ATP4A: variants seen among roughly 807,000 people sequenced by gnomAD.
The protein encoded by ATP4A is potassium-transporting ATPase alpha chain 1.
Under a neutral mutation model 112.1 loss-of-function variants are expected in ATP4A, and 73 were observed. The observed-to-expected ratio is 0.65, with a 90% confidence interval of 0.54 to 0.79. The LOEUF is 0.79. ATP4A is among the 30% of genes least tolerant of loss of function. The probability of loss-of-function intolerance (pLI) is 0.00; values close to 1 mark genes in which losing one functional copy is unlikely to be tolerated. For missense variants in ATP4A, 1,081 were observed against 1,425.9 expected, an observed-to-expected ratio of 0.76 and a Z score of 3.90; for synonymous variants, 588 against 588.9, an observed-to-expected ratio of 1.00 and a Z score of 0.02.
At chr19:35,563,073 T>C in intron 3 of ATP4A, 136 bp downstream of exon 3, 1 of 631,466 alleles carries the variant, frequency 1.6e-6, no homozygotes, top group African/African-American at 2.2e-5. Context: ...TCTGCCTCCC[T>C]CCCTCTCTCT....
At position 35,555,309 on chromosome 19, in the gene ATP4A, T is replaced by C. The variant is rs1349037795; in HGVS notation, c.2183A>G (p.Asp728Gly). 6.2e-7 allele frequency: 1 copy of C among 1,613,744 alleles called. No homozygotes were observed. Among genetic ancestry groups the C allele is most frequent in the African/African-American group, 1.3e-5 (1 of 74,852 alleles). ...CAGAGCTGGGGAGTCATTCACACCA[T>C]CCCCCGTGACGGCCACAATCGCACC... ...RLGAIVAVTGDGVNDSPALKK... is the reference protein window; with the variant it reads ...RLGAIVAVTGGGVNDSPALKK... Residue 728 changes from aspartate to glycine, a missense_variant, in exon 15 of 22, where the codon GAT becomes GGT. Physicochemically the swap from Asp to Gly is moderately conservative, Grantham distance 94. Transcript: ENST00000262623. This position sits in a 1 kb window ranked among gnomAD's most constrained non-coding sequence, Gnocchi z 6.6.
At position 35,558,745 on chromosome 19, in the gene ATP4A, G is replaced by GCC. The variant is rs925085863; in HGVS notation, c.1256-61_1256-60dup. On this transcript the variant is annotated intron_variant, in intron 8 of 21. Transcript: ENST00000262623. This position sits in a 1 kb window ranked among gnomAD's most constrained non-coding sequence, Gnocchi z 5.1. ...GGCGGCTCTCCCGGACCAGAACCGA[G>GCC]CCCCCTCCTCCTAGGCTCATATCGC... 1 of 1,499,540 alleles carries GCC rather than the reference G, an allele frequency of 6.7e-7. No individual in the cohort carries two copies. The highest frequency in any genetic ancestry group is 1.4e-5 in the African/African-American group (1 of 72,608). The allele number at this position is 1,499,540 out of a possible 1,614,324, so 92.9% of individuals were successfully genotyped here. A position where few individuals can be genotyped will look rare whatever the true frequency, so the allele number is the denominator to read the frequency against.
rs1234553083 is a variant in ATP4A, at chr19:35,551,352, C to T, written c.2885+95G>A. ...CATGTCACCATCTGGCACTGGCACC[C>T]GCTGGCATTTGCCGGCTGTTCTAAA... On this transcript the variant is annotated intron_variant, in intron 19 of 21. Coordinates refer to ENST00000262623, the MANE Select transcript of ATP4A (RefSeq NM_000704.3). This position sits in a 1 kb window ranked among gnomAD's most constrained non-coding sequence, Gnocchi z 5.2. 8.8e-6 allele frequency: 14 copies of T among 1,583,926 alleles called. No homozygotes were observed. The highest frequency in any genetic ancestry group is 1.3e-5 in the African/African-American group (1 of 74,360).
chr19:35,561,974 G>GAT (rs772211256), intron 4 of ATP4A, among the ~76,000 whole-genome samples: 1 of 149,756 alleles, frequency 6.7e-6, no homozygotes, highest in Non-Finnish European at 1.5e-5. Context: ...TCCTGCCTCA[G>GAT]CCTCCCAAGT....
In ATP4A at chr19:35,560,329, A is replaced by G. The variant is rs2071661144; in HGVS notation, c.787+34T>C. The G allele has an allele frequency of 2.5e-6, 4 of 1,609,424 alleles. No homozygotes were observed. The highest frequency in any genetic ancestry group is 2.7e-5 in the African/African-American group (2 of 74,818). The stretch of plus-strand genomic sequence containing the variant: ...CAGGAGAGAGGCCAGTGGAGGCAGC[A>G]GTTACTGGGCAGGCAGGCGGGGGCT... On this transcript the variant is annotated intron_variant, in intron 6 of 21. Coordinates refer to ENST00000262623, the MANE Select transcript of ATP4A (RefSeq NM_000704.3). The surrounding 1 kb of genome is among the most constrained non-coding windows in gnomAD (Gnocchi z 5.1).
chr19:35,560,380 G>A lies in ATP4A; in HGVS notation c.770C>T (p.Ser257Phe). 6.2e-7 allele frequency: 1 copy of A among 1,613,954 alleles called. No homozygotes were observed. The highest frequency in any genetic ancestry group is 8.5e-7 in the Non-Finnish European group (1 of 1,180,006). ...TCACAGACCCTCAAGGCACATGGTGGAGAAGAAGGCGATGTTGCGGGTCTC... is the reference window on the plus strand; with the variant it reads ...TCACAGACCCTCAAGGCACATGGTGAAGAAGAAGGCGATGTTGCGGGTCTC... ...PLETRNIAFF[S>F]TMCLEGTVQG... Residue 257 changes from serine (S) to phenylalanine (F), a missense_variant, in exon 6 of 22, where the codon TCC (serine) becomes TTC (phenylalanine). By Grantham distance (155) the Ser-to-Phe change is radical. Coordinates refer to ENST00000262623, the MANE Select transcript of ATP4A (RefSeq NM_000704.3). This position sits in a 1 kb window ranked among gnomAD's most constrained non-coding sequence, Gnocchi z 5.1.
intron 3 of ATP4A, 25 bp from the exon 4 acceptor site, chr19:35,562,663 C>T (rs372547667): frequency 3.0e-5 from 47 of 1,559,456 alleles, no homozygotes; most frequent in African/African-American, 3.0e-4. Context: ...CAGGGCGAGG[C>T]GGTCCTGGGG....
Position 35,550,776 on chromosome 19 carries a change from G to A in ATP4A, c.3079+58C>T. 6.2e-7 allele frequency: 1 copy of A among 1,610,172 alleles called. No homozygotes were observed. The highest frequency in any genetic ancestry group is 8.5e-7 in the Non-Finnish European group (1 of 1,176,500). On this transcript the variant is annotated intron_variant, in intron 21 of 21. Transcript: ENST00000262623. The surrounding 1 kb of genome is among the most constrained non-coding windows in gnomAD (Gnocchi z 4.1). Reference sequence around the variant, plus strand: ...GCCAAGTGTTGAGGATCAAAGGTGGGTGCAGCTGCTCAAACGTTTCAGTCC... The same window carrying A: ...GCCAAGTGTTGAGGATCAAAGGTGGATGCAGCTGCTCAAACGTTTCAGTCC...
chr19:35,563,158 C>T, intron 3 of ATP4A, 51 bp downstream of exon 3: 1 of 1,599,164 alleles, frequency 6.3e-7, no homozygotes, highest in Non-Finnish European at 8.5e-7. Flanking sequence ...ATCTCCCTCT[C>T]CCTCCCTCTC....
chr19:35,561,070 A>G (rs920475430), intron 4 of ATP4A, 138 bp from the exon 5 acceptor site: 4 of 683,620 alleles, frequency 5.9e-6, no homozygotes, highest in Admixed American at 2.3e-5. Flanking sequence ...TCCATGCACC[A>G]TTCCCTGTAG....
At position 35,555,150 on chromosome 19, in the gene ATP4A, CT is replaced by C; in HGVS notation, c.2326+15del. 6.2e-7 allele frequency: 1 copy of C among 1,614,160 alleles called. No individual in the cohort carries two copies. The highest frequency in any genetic ancestry group is 8.5e-7 in the Non-Finnish European group (1 of 1,180,024). On this transcript the variant is annotated intron_variant, in intron 15 of 21. Coordinates refer to ENST00000262623, the MANE Select transcript of ATP4A (RefSeq NM_000704.3). This position sits in a 1 kb window ranked among gnomAD's most constrained non-coding sequence, Gnocchi z 6.6. Reference sequence around the variant, plus strand: ...TGTGCCCACACTGCCTGCCCTCCCCCTGGCGTGGCTCGGACCCTGCTCCACG... The same window carrying C: ...TGTGCCCACACTGCCTGCCCTCCCCCGGCGTGGCTCGGACCCTGCTCCACG...
intron 18 of ATP4A, among the ~76,000 whole-genome samples, chr19:35,552,607 A>G (rs1030347891): frequency 6.6e-6 from 1 of 152,194 alleles, no homozygotes; most frequent in African/African-American, 2.4e-5. Context: ...TACCTTAACC[A>G]TGATAGTAAA....
At position 35,560,714 on chromosome 19, in the gene ATP4A, G is replaced by T; in HGVS notation, c.535-99C>A. 2 of 1,583,972 alleles carry T rather than the reference G, an allele frequency of 1.3e-6. No homozygotes were observed. The highest frequency in any genetic ancestry group is 2.2e-5 in the South Asian group (2 of 89,250). On this transcript the variant is annotated intron_variant, in intron 5 of 21. Coordinates refer to ENST00000262623, the MANE Select transcript of ATP4A (RefSeq NM_000704.3). This position sits in a 1 kb window ranked among gnomAD's most constrained non-coding sequence, Gnocchi z 5.1. ...GATGAGGAGAGCTGGGACCCATGGG[G>T]AGAGATGGAGGCCACAGATGAGGGA... is the stretch of plus-strand genomic sequence containing the variant.
chr19:35,558,219 G>T lies in ATP4A; in HGVS notation c.1500+143C>A. 8.8e-7 allele frequency: 1 copy of T among 1,138,182 alleles called. No individual in the cohort carries two copies. Among genetic ancestry groups the T allele is most frequent in the Non-Finnish European group, 1.2e-6 (1 of 824,858 alleles). 70.5% of individuals were successfully genotyped at this position (1,138,182 alleles called of 1,614,324 possible). Reference sequence around the variant, plus strand: ...CTTGCCTCTGGTGGACGGGGCCATAGGCGGAGCGGGAGATGGGGTGGGGTT... The same window carrying T: ...CTTGCCTCTGGTGGACGGGGCCATATGCGGAGCGGGAGATGGGGTGGGGTT... On this transcript the variant is annotated intron_variant, in intron 10 of 21. Coordinates refer to ENST00000262623, the MANE Select transcript of ATP4A (RefSeq NM_000704.3). This position sits in a 1 kb window ranked among gnomAD's most constrained non-coding sequence, Gnocchi z 5.1.
intron 12 of ATP4A, among the ~76,000 whole-genome samples, chr19:35,556,275 G>A (rs971885127): frequency 6.6e-5 from 10 of 152,174 alleles, no homozygotes; most frequent in African/African-American, 2.2e-4. Flanking sequence ...CACCATAACT[G>A]CAGAGGAGTG....
At position 35,558,590 on chromosome 19, in the gene ATP4A, A is replaced by G; in HGVS notation, c.1352T>C (p.Val451Ala). ...RAAFKSGQDA[V>A]PVPKRIVIGD... ...CCTGGCTCTCACCTTGGGCACAGGC[A>G]CTGCATCCTGGCCGGACTTGAAGGC... The change falls in exon 9 of 22, where the codon GTG becomes GCG. Residue 451 changes from valine to alanine, a missense_variant. Coordinates refer to ENST00000262623, the MANE Select transcript of ATP4A (RefSeq NM_000704.3). This position sits in a 1 kb window ranked among gnomAD's most constrained non-coding sequence, Gnocchi z 5.1. 1 of 1,603,908 alleles carries G rather than the reference A, an allele frequency of 6.2e-7. No individual in the cohort carries two copies. The highest frequency in any genetic ancestry group is 1.1e-5 in the South Asian group (1 of 88,826).
At position 35,551,708 on chromosome 19, in the gene ATP4A, A is replaced by T; in HGVS notation, c.2752-128T>A. ...AAATGCTCTCTCTGCCTTGCATCAG[A>T]GTGTGGGGGTGGGGGGAAGGAGAGA... is the stretch of plus-strand genomic sequence containing the variant. On this transcript the variant is annotated intron_variant, in intron 18 of 21. Coordinates refer to ENST00000262623, the MANE Select transcript of ATP4A (RefSeq NM_000704.3). The surrounding 1 kb of genome is among the most constrained non-coding windows in gnomAD (Gnocchi z 5.2). 1 of 1,148,784 alleles carries T rather than the reference A, an allele frequency of 8.7e-7. No homozygotes were observed. The highest frequency in any genetic ancestry group is 1.2e-6 in the Non-Finnish European group (1 of 822,944). The allele number at this position is 1,148,784 out of a possible 1,614,324, so 71.2% of individuals were successfully genotyped here.
At position 35,555,960 on chromosome 19, in the gene ATP4A, A is replaced by G; in HGVS notation, c.1870-148T>C. The G allele has an allele frequency of 1.8e-6, 2 of 1,139,454 alleles. No individual in the cohort carries two copies. The highest frequency in any genetic ancestry group is 2.2e-5 in the South Asian group (1 of 45,882). 70.6% of individuals were successfully genotyped at this position (1,139,454 alleles called of 1,614,324 possible). ...GCCTGGGATATAGCAGAGACAAAAG[A>G]GACAAAAATCCCTGTCCTTGAGGAG... On this transcript the variant is annotated intron_variant, in intron 12 of 21. Coordinates refer to ENST00000262623, the MANE Select transcript of ATP4A (RefSeq NM_000704.3). This position sits in a 1 kb window ranked among gnomAD's most constrained non-coding sequence, Gnocchi z 6.6.
At position 35,560,356 on chromosome 19, in the gene ATP4A, C is replaced by T. The variant is rs1267793013; in HGVS notation, c.787+7G>A. 6.2e-7 allele frequency: 1 copy of T among 1,612,746 alleles called. No homozygotes were observed. The highest frequency in any genetic ancestry group is 1.1e-5 in the South Asian group (1 of 91,042). On this transcript the variant is annotated splice_region_variant and intron_variant, in intron 6 of 21. Coordinates refer to ENST00000262623, the MANE Select transcript of ATP4A (RefSeq NM_000704.3). This position sits in a 1 kb window ranked among gnomAD's most constrained non-coding sequence, Gnocchi z 5.1. Reference sequence around the variant, plus strand: ...TTACTGGGCAGGCAGGCGGGGGCTTCACAGACCCTCAAGGCACATGGTGGA... The same window carrying T: ...TTACTGGGCAGGCAGGCGGGGGCTTTACAGACCCTCAAGGCACATGGTGGA...
Sources: allele counts gnomAD v4.1 joint callset (sites outside exome capture counted in the v4.1 genomes callset), GRCh38; gene constraint gnomAD v4.1.1; non-coding constraint Gnocchi (gnomAD v3.1); transcripts MANE v1.5; gene names NCBI Gene and HGNC (gene_info 2026-07-23, HGNC 2026-07-21).